The following LPCAT4 variants were observed in gnomAD, a reference collection of about 807,000 sequenced individuals.
LPCAT4 encodes lysophospholipid acyltransferase LPCAT4.
In LPCAT4, 30 loss-of-function variants were observed where a neutral mutation model predicts 66.5. The ratio of observed to expected loss-of-function variants is 0.45; its 90% CI spans 0.34 to 0.61. The LOEUF is 0.61. Ranked by LOEUF, LPCAT4 falls within the 20% of genes least tolerant of loss-of-function variation. LPCAT4 has a pLI of 0.01. For missense variants in LPCAT4, 557 were observed against 656.7 expected, an observed-to-expected ratio of 0.85 and a Z score of 1.66; for synonymous variants, 253 against 262.1, an observed-to-expected ratio of 0.97 and a Z score of 0.34.
chr15:34,359,994 T>A (rs1170627374), intron 12 of LPCAT4, 117 bp downstream of exon 12: 19 of 913,504 alleles, frequency 2.1e-5, no homozygotes, highest in Non-Finnish European at 3.3e-5. Flanking sequence ...TGGCACTAGG[T>A]TGGATACCAA....
chr15:34,364,054 C>T lies in LPCAT4; in HGVS notation c.611G>A (p.Gly204Asp). ...CAAAGCCTTCTTGTTGGAACAGGTGCCCTCAGGAAAGAATAGCACCTGGGG... is the reference window on the plus strand; with the variant it reads ...CAAAGCCTTCTTGTTGGAACAGGTGTCCTCAGGAAAGAATAGCACCTGGGG... The part of the protein sequence containing the change: ...KWPQVLFFPE[G>D]TCSNKKALLK... Residue 204 changes from glycine (G) to aspartate (D), a missense_variant, in exon 5 of 14, where the codon GGC (glycine) becomes GAC (aspartate). Gly to Asp is a moderately conservative substitution (Grantham distance 94). Coordinates refer to ENST00000314891, the MANE Select transcript of LPCAT4 (RefSeq NM_153613.3). 13 of 1,613,170 alleles carry T rather than the reference C, an allele frequency of 8.1e-6. No individual in the cohort carries two copies. The highest frequency in any genetic ancestry group is 1.1e-5 in the Non-Finnish European group (13 of 1,179,162).
At chr15:34,359,963 G>A (rs1313645711) in intron 12 of LPCAT4, 148 bp downstream of exon 12, 1 of 810,682 alleles carries the variant, frequency 1.2e-6, no homozygotes, top group African/African-American at 1.7e-5. Flanking sequence ...AGAGGCCGGG[G>A]GTCTGCAGTT....
chr15:34,367,044 TG>T lies in LPCAT4; in HGVS notation c.56del (p.Pro19GlnfsTer76). 1 of 408,286 alleles carries T rather than the reference TG, an allele frequency of 2.4e-6. No homozygotes were observed. The highest frequency in any genetic ancestry group is 4.7e-6 in the Non-Finnish European group (1 of 213,036). 25.3% of individuals were successfully genotyped at this position (408,286 alleles called of 1,614,324 possible). On this transcript the variant is annotated frameshift_variant, in exon 1 of 14. Transcript: ENST00000314891. LOFTEE classifies it high-confidence loss of function. ...WAPLDPTPGP[P>X]ASPNPFVHEL... ...CATGCACGAAGGGGTTGGGGGATGC[TG>T]GGGGTCCGGGGGTGGGATCTAGGGG... is the stretch of plus-strand genomic sequence containing the variant.
At position 34,359,031 on chromosome 15, in the gene LPCAT4, C is replaced by T. The variant is rs1326099344; in HGVS notation, c.*96G>A. ...ACTTAAAAAAACAACAACCAAACAA[C>T]AATAACAAAATTCAAACAGGAGCAG... is the stretch of plus-strand genomic sequence containing the variant. On this transcript the variant is annotated 3_prime_UTR_variant, in exon 14 of 14. Coordinates refer to ENST00000314891, the MANE Select transcript of LPCAT4 (RefSeq NM_153613.3). 1 of 1,026,018 alleles carries T rather than the reference C, an allele frequency of 9.7e-7. No homozygotes were observed. The highest frequency in any genetic ancestry group is 1.3e-6 in the Non-Finnish European group (1 of 753,182). The allele number at this position is 1,026,018 out of a possible 1,614,324, so 63.6% of individuals were successfully genotyped here. A position where few individuals can be genotyped will look rare whatever the true frequency, so the allele number is the denominator to read the frequency against.
chr15:34,365,751 C>G, intron 1 of LPCAT4, 50 bp from the exon 2 acceptor site: 1 of 1,593,694 alleles, frequency 6.3e-7, no homozygotes, highest in Non-Finnish European at 8.6e-7. Context: ...TATGCTCCCT[C>G]CACAGCATCC....
At chr15:34,361,133 C>T in intron 11 of LPCAT4, 1 of 1,223,254 alleles carries the variant, frequency 8.2e-7, no homozygotes, top group Non-Finnish European at 1.0e-6. Flanking sequence ...ACCTTCGCCA[C>T]TCTCTAAAGT....
Position 34,359,186 on chromosome 15 carries a change from C to T in LPCAT4, c.1516G>A (p.Gly506Ser). 2 of 1,605,990 alleles carry T rather than the reference C, an allele frequency of 1.2e-6. No individual in the cohort carries two copies. Among genetic ancestry groups the T allele is most frequent in the Non-Finnish European group, 1.7e-6 (2 of 1,176,624 alleles). Residue 506 changes from glycine (G) to serine (S), a missense_variant, in exon 14 of 14, where the codon GGC becomes AGC. Transcript: ENST00000314891. The stretch of plus-strand genomic sequence containing the variant: ...CCATTGGCCAGAGCAGTGGGGTTGC[C>T]TGGGGATGAGGCATTTGGTGTCTGG... ...TSQTPNASSPGNPTALANGTV... is the reference protein window; with the variant it reads ...TSQTPNASSPSNPTALANGTV...
At chr15:34,365,842 A>T (rs766834303) in intron 1 of LPCAT4, 141 bp from the exon 2 acceptor site, 9 of 956,120 alleles carry the variant, frequency 9.4e-6, no homozygotes, top group Non-Finnish European at 1.4e-5. Flanking sequence ...AGGAGAGGGG[A>T]CTGGGACCCA....
Position 34,361,537 on chromosome 15 carries a change from G to A in LPCAT4, c.1011-5C>T, listed in dbSNP as rs149495349. On this transcript the variant is annotated splice_polypyrimidine_tract_variant and splice_region_variant and intron_variant, in intron 10 of 13. Transcript: ENST00000314891. ...TCCACATAGCCAGCGGACAGCCTAC[G>A]ATGGAATTGTTGAAGGCAGAGAGCT... 542 of 1,613,166 alleles carry A rather than the reference G, an allele frequency of 3.4e-4. 3 individuals are homozygous for A. In the African/African-American group the frequency reaches 5.6e-3, roughly 17 times the overall value.
rs1890994543 is a variant in LPCAT4 at position 34,363,350 on chromosome 15, T to C, written c.746+72A>G. 2 of 1,522,800 alleles carry C rather than the reference T, an allele frequency of 1.3e-6. No homozygotes were observed. Among genetic ancestry groups the C allele is most frequent in the Non-Finnish European group, 1.8e-6 (2 of 1,112,372 alleles). The allele number at this position is 1,522,800 out of a possible 1,614,324, so 94.3% of individuals were successfully genotyped here. ...AAGGGCCATTCACCTTGTCGGGAGATTGGAAGATGGGCCAGGAATTCTCTG... is the reference window on the plus strand; with the variant it reads ...AAGGGCCATTCACCTTGTCGGGAGACTGGAAGATGGGCCAGGAATTCTCTG... On this transcript the variant is annotated intron_variant, in intron 7 of 13. Coordinates refer to ENST00000314891, the MANE Select transcript of LPCAT4 (RefSeq NM_153613.3). The surrounding 1 kb of genome is among the most constrained non-coding windows in gnomAD (Gnocchi z 4.3).
At chr15:34,365,772 A>T (rs921768270) in intron 1 of LPCAT4, 71 bp from the exon 2 acceptor site, 37 of 1,552,774 alleles carry the variant, frequency 2.4e-5, no homozygotes, top group Non-Finnish European at 3.0e-5. Flanking sequence ...TTCTTCCACA[A>T]AGCATAGACC....
In LPCAT4 at chr15:34,365,144, C is replaced by A; in HGVS notation, c.342G>T (p.Gln114His). ...CAGGGGCTTGAAGGCGAGAGGCTCGCTGGCCACGAACGCGAATCCGGAGGA... is the reference window on the plus strand; with the variant it reads ...CAGGGGCTTGAAGGCGAGAGGCTCGATGGCCACGAACGCGAATCCGGAGGA... ...LGFLRIRVRG[Q>H]RASRLQAPVL... The change falls in exon 3 of 14, where the codon CAG (glutamine) becomes CAT (histidine). Residue 114 changes from glutamine (Q) to histidine (H), a missense_variant. This residue lies in a region of LPCAT4 where 65 missense variants were observed against 83.5 expected (regional missense o/e 0.78). Coordinates refer to ENST00000314891, the MANE Select transcript of LPCAT4 (RefSeq NM_153613.3). 1.2e-6 allele frequency: 2 copies of A among 1,614,230 alleles called. No homozygotes were observed. Among genetic ancestry groups the A allele is most frequent in the Non-Finnish European group, 1.7e-6 (2 of 1,180,044 alleles).
At position 34,366,859 on chromosome 15, in the gene LPCAT4, A is replaced by C. The variant is rs991324216; in HGVS notation, c.114+128T>G. ...GCCGCCCCCACGTGCGCACCCCCGG[A>C]CTCCCGCTCCGCAAGCCTCTCAGCC... is the stretch of plus-strand genomic sequence containing the variant. On this transcript the variant is annotated intron_variant, in intron 1 of 13. Coordinates refer to ENST00000314891, the MANE Select transcript of LPCAT4 (RefSeq NM_153613.3). 1,176 of 1,423,870 alleles carry C rather than the reference A, an allele frequency of 8.3e-4. 1 individual carries two copies. The highest frequency in any genetic ancestry group is 8.9e-4 in the Non-Finnish European group (933 of 1,048,222). 88.2% of individuals were successfully genotyped at this position (1,423,870 alleles called of 1,614,324 possible). A position where few individuals can be genotyped will look rare whatever the true frequency, so the allele number is the denominator to read the frequency against.
Position 34,363,460 on chromosome 15 carries a change from T to C in LPCAT4, c.712-4A>G, listed in dbSNP as rs1237974758. The C allele has an allele frequency of 2.5e-6, 4 of 1,614,000 alleles. No homozygotes were observed. Among genetic ancestry groups the C allele is most frequent in the East Asian group, 2.2e-5 (1 of 44,890 alleles). Reference sequence around the variant, plus strand: ...TCCATGCCCAGCTGGTGGTGTCCTATGGGAGAAACACAGGTGAGGGCATAA... The same window carrying C: ...TCCATGCCCAGCTGGTGGTGTCCTACGGGAGAAACACAGGTGAGGGCATAA... On this transcript the variant is annotated splice_polypyrimidine_tract_variant and splice_region_variant and intron_variant, in intron 6 of 13. Coordinates refer to ENST00000314891, the MANE Select transcript of LPCAT4 (RefSeq NM_153613.3). This position sits in a 1 kb window ranked among gnomAD's most constrained non-coding sequence, Gnocchi z 4.3.
chr15:34,364,042 T>C lies in LPCAT4; in HGVS notation c.623A>G (p.Asn208Ser), dbSNP rs1398103663. 1.2e-6 allele frequency: 2 copies of C among 1,613,128 alleles called. No individual in the cohort carries two copies. Among genetic ancestry groups the C allele is most frequent in the South Asian group, 2.2e-5 (2 of 91,078 alleles). ...VLFFPEGTCS[N>S]KKALLKFKPG... ...TTTGAACTTAAGCAAAGCCTTCTTG[T>C]TGGAACAGGTGCCCTCAGGAAAGAA... The change falls in exon 5 of 14, where the codon AAC (asparagine) becomes AGC (serine). Residue 208 changes from asparagine (N) to serine (S), a missense_variant. Physicochemically the swap from Asn to Ser is conservative, Grantham distance 46. This residue lies in a region of LPCAT4 where 392 missense variants were observed against 473.9 expected (regional missense o/e 0.83). Coordinates refer to ENST00000314891, the MANE Select transcript of LPCAT4 (RefSeq NM_153613.3).
intron 11 of LPCAT4, chr15:34,361,185 G>A: frequency 7.1e-7 from 1 of 1,411,554 alleles, no homozygotes; most frequent in Non-Finnish European, 9.2e-7. Flanking sequence ...TTTCTCCCTT[G>A]TTCCTCCTCA....
At chr15:34,362,351 G>A (rs780875509) in intron 9 of LPCAT4, 30 bp from the exon 10 acceptor site, 1 of 1,612,982 alleles carries the variant, frequency 6.2e-7, no homozygotes, top group Admixed American at 1.7e-5. Flanking sequence ...GGGATGGAGG[G>A]TAAGGAAGCA....
At position 34,365,706 on chromosome 15, in the gene LPCAT4, A is replaced by G. The variant is rs1391041323; in HGVS notation, c.115-5T>C. ...CAATGCCCCCAGGAGGCAGAACTGC[A>G]AAGGGTGGGAGAGAATGCCACTTTA... On this transcript the variant is annotated splice_region_variant and splice_polypyrimidine_tract_variant and intron_variant, in intron 1 of 13. Coordinates refer to ENST00000314891, the MANE Select transcript of LPCAT4 (RefSeq NM_153613.3). 6.2e-7 allele frequency: 1 copy of G among 1,613,306 alleles called. No individual in the cohort carries two copies. Among genetic ancestry groups the G allele is most frequent in the East Asian group, 2.2e-5 (1 of 44,888 alleles).
At chr15:34,359,770 C>T (rs766002532) in intron 12 of LPCAT4, 25 bp from the exon 13 acceptor site, 4 of 1,594,538 alleles carry the variant, frequency 2.5e-6, no homozygotes, top group South Asian at 2.3e-5. Context: ...GGATAAGAGT[C>T]AAGTTCTCTC....
Sources: allele counts gnomAD v4.1 joint callset, GRCh38; gene constraint gnomAD v4.1.1; regional missense constraint gnomAD v4.1.1; non-coding constraint Gnocchi (gnomAD v3.1); transcripts MANE v1.5; gene names NCBI Gene and HGNC (gene_info 2026-07-23, HGNC 2026-07-21).